The following TTC39C variants were observed in gnomAD, a reference collection of about 807,000 sequenced individuals.
The protein encoded by TTC39C is tetratricopeptide repeat domain 39C.
A neutral mutation model predicts 76.3 loss-of-function variants in TTC39C; 33 were observed. The ratio of observed to expected loss-of-function variants is 0.43; its 90% CI spans 0.33 to 0.58. TTC39C has a LOEUF of 0.58. Among genes scored for constraint, TTC39C ranks in the 20% least tolerant of loss-of-function variants. The pLI, the probability that TTC39C is intolerant of heterozygous loss-of-function variation, is 0.04. For synonymous variants in TTC39C, 254 were observed against 260.6 expected, an observed-to-expected ratio of 0.97 and a Z score of 0.24; for missense variants, 595 against 701.4, an observed-to-expected ratio of 0.85 and a Z score of 1.71.
chr18:24,041,669 G>A (rs1178461489), intron 1 of TTC39C, among the ~76,000 whole-genome samples: 1 of 152,024 alleles, frequency 6.6e-6, no homozygotes, highest in African/African-American at 2.4e-5. Context: ...GAGAAATTGG[G>A]CCTCTTAATA....
intron 6 of TTC39C, among the ~76,000 whole-genome samples, chr18:24,098,277 C>T (rs993242712): frequency 1.3e-5 from 2 of 151,972 alleles, no homozygotes; most frequent in African/African-American, 4.8e-5. Context: ...TCGTATATAG[C>T]AAGCAGGGGT....
At chr18:24,101,438 C>G (rs2084673843) in intron 6 of TTC39C, among the ~76,000 whole-genome samples, 1 of 152,050 alleles carries the variant, frequency 6.6e-6, no homozygotes, top group African/African-American at 2.4e-5. Flanking sequence ...GAAACCCCGT[C>G]TCTACTAAAA....
intron 8 of TTC39C, 101 bp downstream of exon 8, chr18:24,118,333 T>C: frequency 2.4e-6 from 2 of 822,486 alleles, no homozygotes; most frequent in Admixed American, 2.3e-5. Context: ...GCAAAAGTTG[T>C]ACCCCTCCAC....
intron 4 of TTC39C, among the ~76,000 whole-genome samples, chr18:24,070,992 G>A (rs1250325466): frequency 8.6e-5 from 13 of 151,920 alleles, no homozygotes; most frequent in South Asian, 4.2e-4. Flanking sequence ...GCAGTGGTGC[G>A]ATCTTGGTTC....
rs567903785 is a variant in TTC39C at position 24,078,931 on chromosome 18, A to C, written c.461-1654A>C. 2.6e-5 allele frequency among the ~76,000 whole-genome samples: 4 copies of C among 152,342 alleles called. No individual in the cohort carries two copies. The South Asian group carries it at 8.3e-4, about 32-fold the overall frequency. On this transcript the variant is annotated intron_variant, in intron 4 of 13. Transcript: ENST00000317571. Reference sequence around the variant, plus strand: ...TTTAGCAGTTCTATTGAAGGATAGCAGTCAGGCCTGCTGCATCAACTCTTT... The same window carrying C: ...TTTAGCAGTTCTATTGAAGGATAGCCGTCAGGCCTGCTGCATCAACTCTTT...
At chr18:24,098,799 T>C (rs886251997) in intron 6 of TTC39C, among the ~76,000 whole-genome samples, 2 of 151,622 alleles carry the variant, frequency 1.3e-5, no homozygotes. Context: ...ACCTGGCTAA[T>C]TTTTGTATTC....
intron 10 of TTC39C, among the ~76,000 whole-genome samples, 171 bp from the exon 11 acceptor site, chr18:24,128,715 A>G (rs2085082534): frequency 1.3e-5 from 2 of 152,228 alleles, no homozygotes; most frequent in African/African-American, 2.4e-5. Flanking sequence ...TGGCAATTTA[A>G]TGTGAAGTCA....
At chr18:24,103,095 G>A (rs1165456779) in intron 6 of TTC39C, among the ~76,000 whole-genome samples, 1 of 152,004 alleles carries the variant, frequency 6.6e-6, no homozygotes, top group African/African-American at 2.4e-5. Context: ...GAGTGAGACC[G>A]TGTCTGGAAA....
At chr18:24,129,069 C>A in intron 11 of TTC39C, 86 bp downstream of exon 11, 1 of 1,024,040 alleles carries the variant, frequency 9.8e-7, no homozygotes, top group Non-Finnish European at 1.4e-6. Flanking sequence ...TGAAAAAGCA[C>A]TGAACGAAAC....
At chr18:24,129,452 G>A (rs1048773400) in intron 11 of TTC39C, among the ~76,000 whole-genome samples, 1 of 152,082 alleles carries the variant, frequency 6.6e-6, no homozygotes, top group Non-Finnish European at 1.5e-5. Flanking sequence ...GTATATATCA[G>A]TGTTACTTTG....
At chr18:24,072,085 C>T (rs1205254858) in intron 4 of TTC39C, among the ~76,000 whole-genome samples, 2 of 151,710 alleles carry the variant, frequency 1.3e-5, no homozygotes, top group African/African-American at 4.8e-5. Context: ...AATTTGTTTA[C>T]TTCATTGTTG....
intron 4 of TTC39C, 33 bp from the exon 5 acceptor site, chr18:24,080,552 G>A (rs1408427815): frequency 2.7e-6 from 4 of 1,488,452 alleles, no homozygotes; most frequent in African/African-American, 1.4e-5. Context: ...TATTTTGAAT[G>A]TTTTTGAATC....
intron 4 of TTC39C, among the ~76,000 whole-genome samples, chr18:24,080,328 G>A (rs2084361170): frequency 6.6e-6 from 1 of 152,174 alleles, no homozygotes; most frequent in Non-Finnish European, 1.5e-5. Flanking sequence ...TCTAGGTACT[G>A]CATGAAGGGC....
rs1253352919 is a variant in TTC39C, at chr18:24,066,081, CTG to C, written c.291_292del (p.Cys97Ter). The C allele has an allele frequency of 6.3e-7, 1 of 1,597,662 alleles. No homozygotes were observed. Among genetic ancestry groups the C allele is most frequent in the Non-Finnish European group, 8.5e-7 (1 of 1,175,996 alleles). On this transcript the variant is annotated frameshift_variant, in exon 3 of 14. Coordinates refer to ENST00000317571, the MANE Select transcript of TTC39C (RefSeq NM_001135993.2). LOFTEE classifies it high-confidence loss of function. ...TGATGACTTAAAAACCACAGAAAAA[CTG>C]TGTGAAAGTGAAGAGGCTGGAGTAA... ...ACDDLKTTEKLCESEEAGVIE... is the reference protein window; with the variant it reads ...ACDDLKTTEKXCESEEAGVIE...
intron 1 of TTC39C, among the ~76,000 whole-genome samples, chr18:23,995,962 A>G (rs753049832): frequency 6.6e-6 from 1 of 152,234 alleles, no homozygotes; most frequent in Non-Finnish European, 1.5e-5. Context: ...TATGTTAAGT[A>G]TATGCTTAGT....
chr18:24,028,956 C>G (rs1031743300), intron 1 of TTC39C, among the ~76,000 whole-genome samples: 9 of 151,746 alleles, frequency 5.9e-5, no homozygotes, highest in African/African-American at 2.2e-4. Flanking sequence ...CTCCTGACCT[C>G]AGGTGATCCA....
exon 1 of TTC39C, chr18:23,992,912 G>T (rs1284151209): frequency 2.0e-5 from 3 of 152,206 alleles, no homozygotes; most frequent in African/African-American, 7.2e-5. Flanking sequence ...CCCTCCTGGA[G>T]ACCTAACCCC....
chr18:24,095,991 A>G (rs1357024227), intron 6 of TTC39C, among the ~76,000 whole-genome samples: 1 of 152,228 alleles, frequency 6.6e-6, no homozygotes, highest in Admixed American at 6.5e-5. Context: ...CAGCCAGATC[A>G]CACACAACAT....
intron 4 of TTC39C, chr18:24,077,365 C>T (rs755314581): frequency 1.3e-5 from 2 of 152,270 alleles, no homozygotes; most frequent in Non-Finnish European, 2.9e-5. Flanking sequence ...AACTATTTTG[C>T]ACTCTCTAAT....
Sources: gnomAD v4.1 joint callset for allele counts (sites outside exome capture counted in the v4.1 genomes callset) on GRCh38, gnomAD v4.1.1 for gene constraint, MANE v1.5 for transcripts, NCBI Gene and HGNC (gene_info 2026-07-23, HGNC 2026-07-21) for gene names.